Variants in RBFOX1 observed in about 807,000 individuals in gnomAD.
RBFOX1 encodes RNA binding protein fox-1 homolog 1.
Under a neutral mutation model 57.7 loss-of-function variants are expected in RBFOX1, and 8 were observed. The ratio of observed to expected loss-of-function variants is 0.14; its 90% CI spans 0.08 to 0.25. The LOEUF (loss-of-function observed/expected upper bound fraction) is 0.25. Among genes scored for constraint, RBFOX1 ranks in the 10% least tolerant of loss-of-function variants. The pLI is 1.00. For missense variants in RBFOX1, 611 were observed against 548.5 expected (o/e 1.11, Z -1.14); for synonymous variants, 326 against 222.4 (o/e 1.47, Z -4.15).
At chr16:7,063,959 C>T (rs565329405) in intron 4 of RBFOX1, among the ~76,000 whole-genome samples, 9 of 152,050 alleles carry the variant, frequency 5.9e-5, no homozygotes, top group Non-Finnish European at 1.2e-4. Context: ...GTCTTGACAC[C>T]AAGGTCCATG....
At chr16:6,623,220 T>C (rs1453861860) in intron 2 of RBFOX1, among the ~76,000 whole-genome samples, 1 of 152,092 alleles carries the variant, frequency 6.6e-6, no homozygotes, top group Non-Finnish European at 1.5e-5. Context: ...TTAGTCAATT[T>C]GAGATTATCT....
intron 3 of RBFOX1, among the ~76,000 whole-genome samples, chr16:5,669,037 T>A (rs2049936478): frequency 6.6e-6 from 1 of 152,152 alleles, no homozygotes; most frequent in Non-Finnish European, 1.5e-5. Flanking sequence ...ATTGGTACTG[T>A]CTGAGCACCC....
intron 1 of RBFOX1, among the ~76,000 whole-genome samples, chr16:5,430,018 A>C (rs967383420): frequency 3.3e-5 from 5 of 152,162 alleles, no homozygotes; most frequent in African/African-American, 1.2e-4. Context: ...AGAACTTTGC[A>C]AAAGGAGTTT....
chr16:6,823,271 T>G (rs942835881), intron 3 of RBFOX1, among the ~76,000 whole-genome samples: 1 of 151,938 alleles, frequency 6.6e-6, no homozygotes, highest in East Asian at 1.9e-4. Context: ...TTCTTTTTTT[T>G]CCCCAGAAAG....
chr16:7,712,059 T>G lies in RBFOX1; in HGVS notation c.*1314T>G, dbSNP rs2084076174. 6.6e-6 allele frequency: 1 copy of G among 152,390 alleles called. No homozygotes were observed. Among genetic ancestry groups the G allele is most frequent in the African/African-American group, 2.4e-5 (1 of 41,354 alleles). 9.4% of individuals were successfully genotyped at this position (152,390 alleles called of 1,614,324 possible). On this transcript the variant is annotated 3_prime_UTR_variant, in exon 16 of 16. Transcript: ENST00000550418. ...GAAAAAAGTACATCCACCCTCTTAATCCCAAAAGAACAAAGTCTCCCCACC... is the reference window on the plus strand; with the variant it reads ...GAAAAAAGTACATCCACCCTCTTAAGCCCAAAAGAACAAAGTCTCCCCACC...
intron 3 of RBFOX1, among the ~76,000 whole-genome samples, chr16:5,826,658 T>C (rs1289202223): frequency 6.6e-6 from 1 of 152,254 alleles, no homozygotes; most frequent in Non-Finnish European, 1.5e-5. Flanking sequence ...TCATCTCTGT[T>C]GTGAAGTTAC....
chr16:6,208,174 G>C (rs1298380518), intron 1 of RBFOX1, among the ~76,000 whole-genome samples: 2 of 151,844 alleles, frequency 1.3e-5, no homozygotes, highest in African/African-American at 4.8e-5. Context: ...ATATAATGTA[G>C]AGTATGATCC....
intron 3 of RBFOX1, among the ~76,000 whole-genome samples, chr16:5,845,382 A>T (rs2056729444): frequency 6.6e-6 from 1 of 152,126 alleles, no homozygotes; most frequent in Non-Finnish European, 1.5e-5. Context: ...TTGCTTCTCC[A>T]AGGAGGTCCA....
Position 7,184,243 on chromosome 16 carries a change from A to G in RBFOX1, c.27+132145A>G, listed in dbSNP as rs573188372. On this transcript the variant is annotated intron_variant, in intron 4 of 15. Coordinates refer to ENST00000550418, the MANE Select transcript of RBFOX1 (RefSeq NM_018723.4). ...CAGATCAAGGAGGACTTCTTTGCTT[A>G]TAGCAAGGGGGTTGAATTTTAGTTT... Among the ~76,000 whole-genome samples, 20 of 152,356 alleles carry G rather than the reference A, an allele frequency of 1.3e-4. 2 individuals are homozygous for G. In the South Asian group the frequency reaches 3.7e-3, roughly 28 times the overall value.
chr16:6,044,800 G>T (rs906970765), intron 1 of RBFOX1, among the ~76,000 whole-genome samples: 1 of 152,198 alleles, frequency 6.6e-6, no homozygotes, highest in Non-Finnish European at 1.5e-5. Context: ...GCCTGTCTGG[G>T]ACACAGCCTG....
chr16:7,638,329 G>C (rs1316049696), intron 11 of RBFOX1, among the ~76,000 whole-genome samples: 2 of 152,172 alleles, frequency 1.3e-5, no homozygotes, highest in African/African-American at 4.8e-5. Context: ...AGGCTTGGGG[G>C]CGTTAAGAAG....
chr16:6,733,468 G>A (rs778939964), intron 3 of RBFOX1, among the ~76,000 whole-genome samples: 2 of 152,132 alleles, frequency 1.3e-5, no homozygotes, highest in African/African-American at 2.4e-5. Flanking sequence ...TTTTTTGGTG[G>A]CTTTTATAAG....
At chr16:6,052,722 T>C (rs2095566469) in intron 1 of RBFOX1, among the ~76,000 whole-genome samples, 1 of 151,544 alleles carries the variant, frequency 6.6e-6, no homozygotes, top group Admixed American at 6.6e-5. Flanking sequence ...AGGCGGAGCT[T>C]GCAGTGAGCC....
chr16:5,563,681 A>T (rs2045965646), intron 2 of RBFOX1, among the ~76,000 whole-genome samples: 1 of 152,208 alleles, frequency 6.6e-6, no homozygotes, highest in African/African-American at 2.4e-5. Flanking sequence ...AGCTTTATTG[A>T]TATATAATTC....
At chr16:5,633,707 C>T (rs1286957811) in intron 3 of RBFOX1, among the ~76,000 whole-genome samples, 5 of 152,060 alleles carry the variant, frequency 3.3e-5, no homozygotes, top group African/African-American at 9.7e-5. Flanking sequence ...AACTCCGTCT[C>T]TTCTAAAAAT....
chr16:6,863,497 C>T (rs2059364535), intron 3 of RBFOX1, among the ~76,000 whole-genome samples: 2 of 151,980 alleles, frequency 1.3e-5, no homozygotes, highest in South Asian at 2.1e-4. Flanking sequence ...ACAAGTAGAA[C>T]ACATAGCAGG....
At chr16:6,414,696 C>T (rs372789574) in intron 2 of RBFOX1, among the ~76,000 whole-genome samples, 23 of 152,236 alleles carry the variant, frequency 1.5e-4, no homozygotes, top group South Asian at 2.1e-4. Flanking sequence ...TCATTGTCAC[C>T]GGCCCTGTAC....
chr16:5,448,890 G>C (rs982764752), intron 1 of RBFOX1, among the ~76,000 whole-genome samples: 2 of 151,996 alleles, frequency 1.3e-5, no homozygotes, highest in Non-Finnish European at 2.9e-5. Flanking sequence ...GGCATGATCC[G>C]CCTGCTACCT....
rs559190023 is a variant in RBFOX1, at chr16:7,121,697, G to C, written c.27+69599G>C. Among the ~76,000 whole-genome samples the C allele has an allele frequency of 7.9e-5, 12 of 151,848 alleles. No individual in the cohort carries two copies. The South Asian group carries it at 2.5e-3, about 32-fold the overall frequency. The stretch of plus-strand genomic sequence containing the variant: ...GTATTTTTGTAGCTATAAACGTGAA[G>C]ATTCTAAAAATTATAAGGAAAAACA... On this transcript the variant is annotated intron_variant, in intron 4 of 15. Transcript: ENST00000550418.
Sources: allele counts gnomAD v4.1 joint callset (sites outside exome capture counted in the v4.1 genomes callset), GRCh38; gene constraint gnomAD v4.1.1; transcripts MANE v1.5; gene names NCBI Gene and HGNC (gene_info 2026-07-23, HGNC 2026-07-21).